COL4A3: variants seen among roughly 807,000 people sequenced by gnomAD.
COL4A3 encodes collagen type IV alpha 3 chain, also known as collagen alpha-3(IV) chain.
A neutral mutation model predicts 217.4 loss-of-function variants in COL4A3; 135 were observed. The ratio of observed to expected loss-of-function variants is 0.62; its 90% CI spans 0.54 to 0.72. The LOEUF (loss-of-function observed/expected upper bound fraction) is 0.72. Among genes scored for constraint, COL4A3 ranks in the 30% least tolerant of loss-of-function variants. COL4A3 has a pLI of 0.00. For synonymous variants in COL4A3, 690 were observed against 736.3 expected (o/e 0.94, Z 1.02); for missense variants, 1,868 against 2,119.9 (o/e 0.88, Z 2.33).
At chr2:227,232,120 T>C (rs1664293300) in intron 1 of COL4A3, among the ~76,000 whole-genome samples, 1 of 152,238 alleles carries the variant, frequency 6.6e-6, no homozygotes, top group South Asian at 2.1e-4. Context: ...TCCATCCATG[T>C]CGTTGCAAAT....
chr2:227,197,355 T>C (rs1235113675), intron 1 of COL4A3, among the ~76,000 whole-genome samples: 1 of 152,168 alleles, frequency 6.6e-6, no homozygotes, highest in Non-Finnish European at 1.5e-5. Context: ...ATAGCTGGGA[T>C]TACAGGTGTG....
At chr2:227,206,289 G>A (rs1367713255) in intron 1 of COL4A3, among the ~76,000 whole-genome samples, 4 of 152,092 alleles carry the variant, frequency 2.6e-5, no homozygotes, top group Admixed American at 6.5e-5. Flanking sequence ...GGCCAGGCTG[G>A]TCTCAACTCC....
chr2:227,294,856 A>T, intron 39 of COL4A3, 108 bp from the exon 40 acceptor site: 1 of 898,810 alleles, frequency 1.1e-6, no homozygotes, highest in Non-Finnish European at 1.8e-6. Context: ...CCTGTTTAAC[A>T]CAATTCCACA....
chr2:227,277,687 A>ACCTT, intron 28 of COL4A3, 134 bp downstream of exon 28: 1 of 649,460 alleles, frequency 1.5e-6, no homozygotes, highest in Non-Finnish European at 2.7e-6. Flanking sequence ...TAAAATAGGA[A>ACCTT]ATATCCATAA....
chr2:227,249,099 A>G (rs1438221043), intron 9 of COL4A3, among the ~76,000 whole-genome samples: 1 of 149,424 alleles, frequency 6.7e-6, no homozygotes, highest in Non-Finnish European at 1.5e-5. Flanking sequence ...AAGAGACACA[A>G]CTGCCTTTGG....
intron 1 of COL4A3, among the ~76,000 whole-genome samples, chr2:227,186,093 G>A (rs1303715873): frequency 6.6e-6 from 1 of 152,204 alleles, no homozygotes; most frequent in African/African-American, 2.4e-5. Flanking sequence ...AGCTGGTTGT[G>A]TGTTAGTCAC....
intron 15 of COL4A3, among the ~76,000 whole-genome samples, chr2:227,255,462 T>C (rs1559871615): frequency 6.7e-6 from 1 of 148,362 alleles, no homozygotes; most frequent in Non-Finnish European, 1.5e-5. Flanking sequence ...AAGCAAAGAA[T>C]GTATTTTTTG....
chr2:227,304,040 C>T lies in COL4A3; in HGVS notation c.4049C>T (p.Thr1350Ile), dbSNP rs2106270706. The change falls in exon 46 of 52, where the codon ACA becomes ATA. Residue 1350 changes from threonine to isoleucine, a missense_variant. Physicochemically the swap from Thr to Ile is moderately conservative, Grantham distance 89 (BLOSUM62 -1). Coordinates refer to ENST00000396578, the MANE Select transcript of COL4A3 (RefSeq NM_000091.5). ...GPPGVRGDPG[T>I]LKIISLPGSP... ...ACAGGTGTACGTGGAGACCCTGGCA[C>T]ACTTAAGATTATCTCCCTTCCAGGA... 2 of 1,614,186 alleles carry T rather than the reference C, an allele frequency of 1.2e-6. No homozygotes were observed. Among genetic ancestry groups the T allele is most frequent in the South Asian group, 1.1e-5 (1 of 91,084 alleles).
chr2:227,229,961 G>C (rs556818854), intron 1 of COL4A3, among the ~76,000 whole-genome samples: 1 of 151,346 alleles, frequency 6.6e-6, no homozygotes, highest in East Asian at 2.0e-4. Context: ...TGAGGCAGGA[G>C]AATGGCGTGA....
At chr2:227,266,903 G>A (rs991641269) in intron 22 of COL4A3, 90 bp from the exon 23 acceptor site, 1 of 854,382 alleles carries the variant, frequency 1.2e-6, no homozygotes, top group Non-Finnish European at 2.0e-6. Context: ...ATGTTTAAAT[G>A]TAATAAATGA....
At chr2:227,264,047 G>A in intron 21 of COL4A3, 103 bp downstream of exon 21, 1 of 1,398,096 alleles carries the variant, frequency 7.2e-7, no homozygotes, top group Admixed American at 1.7e-5. Context: ...ATCAGTCTGT[G>A]TGGTTTTTAT....
chr2:227,313,320 A>G lies in COL4A3; in HGVS notation c.*1450A>G, dbSNP rs1294493342. On this transcript the variant is annotated 3_prime_UTR_variant, in exon 52 of 52. Transcript: ENST00000396578. ...TCATGATAATTCAGCAGGCCCAAGT[A>G]AAGGTTAAAAATAAGGTCTATGCCT... 2 of 152,626 alleles carry G rather than the reference A, an allele frequency of 1.3e-5. No individual in the cohort carries two copies. Among genetic ancestry groups the G allele is most frequent in the African/African-American group, 4.8e-5 (2 of 41,466 alleles). 9.5% of individuals were successfully genotyped at this position (152,626 alleles called of 1,614,324 possible).
rs1436860005 is a variant in COL4A3 at position 227,298,777 on chromosome 2, G to A, written c.3847G>A (p.Gly1283Arg). The A allele has an allele frequency of 6.2e-7, 1 of 1,613,850 alleles. No individual in the cohort carries two copies. Among genetic ancestry groups the A allele is most frequent in the African/African-American group, 1.3e-5 (1 of 74,894 alleles). The change falls in exon 43 of 52, where the codon GGA (glycine) becomes AGA (arginine). Residue 1283 changes from glycine (G) to arginine (R), a missense_variant. Physicochemically the swap from Gly to Arg is moderately radical, Grantham distance 125. Transcript: ENST00000396578. Reference sequence around the variant, plus strand: ...CCACCCTGGCCCAAAAGGTCCACCTGGAACTGCAGGAGACATGGGACCACC... The same window carrying A: ...CCACCCTGGCCCAAAAGGTCCACCTAGAACTGCAGGAGACATGGGACCACC... ...MGHPGPKGPP[G>R]TAGDMGPPGR... is the part of the protein sequence containing the mutation.
intron 1 of COL4A3, among the ~76,000 whole-genome samples, chr2:227,176,058 G>T (rs948920951): frequency 2.0e-5 from 3 of 152,220 alleles, no homozygotes; most frequent in Non-Finnish European, 2.9e-5. Flanking sequence ...CCAGCACAGA[G>T]AAAGATGAAA....
At position 227,309,068 on chromosome 2, in the gene COL4A3, T is replaced by C. The variant is rs769668493; in HGVS notation, c.4632T>C (p.Tyr1544=). ...APITGRALEP[Y]ISRCTVCEGP... ...TTACTGGCAGAGCCCTTGAGCCTTA[T>C]ATAAGCAGGTAAAAATCCAATCCCC... The change falls in exon 49 of 52, where the codon TAT becomes TAC. Residue 1544 remains tyrosine, a synonymous_variant. Transcript: ENST00000396578. 7 of 1,614,190 alleles carry C rather than the reference T, an allele frequency of 4.3e-6. No homozygotes were observed. The highest frequency in any genetic ancestry group is 5.9e-6 in the Non-Finnish European group (7 of 1,180,008).
intron 34 of COL4A3, among the ~76,000 whole-genome samples, chr2:227,286,278 G>A (rs1414520588): frequency 6.6e-6 from 1 of 151,154 alleles, no homozygotes; most frequent in African/African-American, 2.4e-5. Context: ...GATCACCTGA[G>A]GTCAGGAGTT....
intron 1 of COL4A3, among the ~76,000 whole-genome samples, chr2:227,209,035 C>G (rs1306655486): frequency 6.6e-6 from 1 of 152,160 alleles, no homozygotes; most frequent in African/African-American, 2.4e-5. Flanking sequence ...GAAAGGGAAG[C>G]ATTACAAACA....
Position 227,282,461 on chromosome 2 carries a change from G to C in COL4A3, c.2585G>C (p.Gly862Ala). The change falls in exon 32 of 52, where the codon GGT becomes GCT. Residue 862 changes from glycine (G) to alanine (A), a missense_variant. Coordinates refer to ENST00000396578, the MANE Select transcript of COL4A3 (RefSeq NM_000091.5). The surrounding 1 kb of genome is among the most constrained non-coding windows in gnomAD (Gnocchi z 4.4). ...PGETGSPGIPGHQGEMGPLGQ... is the reference protein window; with the variant it reads ...PGETGSPGIPAHQGEMGPLGQ... ...GAAACTGGATCACCAGGAATTCCAG[G>C]TCATCAAGGTGAAATGGGACCACTG... The C allele has an allele frequency of 6.2e-7, 1 of 1,613,862 alleles. No homozygotes were observed. Among genetic ancestry groups the C allele is most frequent in the Admixed American group, 1.7e-5 (1 of 59,994 alleles).
chr2:227,191,812 C>T lies in COL4A3; in HGVS notation c.87+26999C>T, dbSNP rs146297094. On this transcript the variant is annotated intron_variant, in intron 1 of 51. Coordinates refer to ENST00000396578, the MANE Select transcript of COL4A3 (RefSeq NM_000091.5). This position sits in a 1 kb window ranked among gnomAD's most constrained non-coding sequence, Gnocchi z 6.8. ...TTTTTTTCATAATTAGTTTCTGGAACGCTAATAATAAGAAGAACTTAGAAT... is the reference window on the plus strand; with the variant it reads ...TTTTTTTCATAATTAGTTTCTGGAATGCTAATAATAAGAAGAACTTAGAAT... Among the ~76,000 whole-genome samples, 39 of 152,050 alleles carry T rather than the reference C, an allele frequency of 2.6e-4. No homozygotes were observed. Among genetic ancestry groups the T allele is most frequent in the South Asian group, 1.7e-3 (8 of 4,816 alleles).
Sources: allele counts gnomAD v4.1 joint callset (sites outside exome capture counted in the v4.1 genomes callset), GRCh38; gene constraint gnomAD v4.1.1; non-coding constraint Gnocchi (gnomAD v3.1); transcripts MANE v1.5; gene names NCBI Gene and HGNC (gene_info 2026-07-23, HGNC 2026-07-21).